PIK3CD: variants seen among roughly 807,000 people sequenced by gnomAD.
PIK3CD encodes the protein phosphatidylinositol-4,5-bisphosphate 3-kinase catalytic subunit delta.
PIK3CD carries 20 observed loss-of-function variants against 122.9 expected under a neutral mutation model. The ratio of observed to expected loss-of-function variants is 0.16; its 90% CI spans 0.11 to 0.24. PIK3CD has a LOEUF of 0.24. PIK3CD is among the 10% of genes least tolerant of loss of function. The pLI is 1.00. For synonymous variants in PIK3CD, 596 were observed against 593.4 expected (o/e 1.00, Z -0.06); for missense variants, 787 against 1,406.3 (o/e 0.56, Z 7.04).
chr1:9,724,441 AC>A lies in PIK3CD; in HGVS notation c.2864+22del, dbSNP rs768215563. The A allele has an allele frequency of 1.3e-5, 21 of 1,613,688 alleles. No individual in the cohort carries two copies. Among genetic ancestry groups the A allele is most frequent in the Non-Finnish European group, 1.8e-5 (21 of 1,179,950 alleles). The stretch of plus-strand genomic sequence containing the variant: ...TGAACGGTGAGAGTGCCTGAGCCCC[AC>A]CAGATGCCCCTCGGTGTGGGGCCCC... On this transcript the variant is annotated intron_variant, in intron 22 of 23. Coordinates refer to ENST00000377346, the MANE Select transcript of PIK3CD (RefSeq NM_005026.5). The surrounding 1 kb of genome is among the most constrained non-coding windows in gnomAD (Gnocchi z 7.3).
At chr1:9,686,817 C>T (rs775576727) in intron 1 of PIK3CD, among the ~76,000 whole-genome samples, 5 of 152,224 alleles carry the variant, frequency 3.3e-5, no homozygotes, top group Admixed American at 6.5e-5. Flanking sequence ...CCACCTGGGG[C>T]AAGTCACTTG....
chr1:9,641,136 G>C, the PIK3CD span, among the ~76,000 whole-genome samples: 1 of 152,132 alleles, frequency 6.6e-6, no homozygotes, highest in Non-Finnish European at 1.5e-5. Flanking sequence ...AAACTCCAGG[G>C]GGTTGCGGGG....
At chr1:9,693,256 G>A (rs1209673758) in intron 2 of PIK3CD, among the ~76,000 whole-genome samples, 2 of 151,846 alleles carry the variant, frequency 1.3e-5, no homozygotes, top group Non-Finnish European at 2.9e-5. Flanking sequence ...ATGGAGTCTT[G>A]CTCTGTCACC....
chr1:9,627,294 C>T, the PIK3CD span, among the ~76,000 whole-genome samples: 1 of 152,258 alleles, frequency 6.6e-6, no homozygotes, highest in African/African-American at 2.4e-5. Context: ...GCTCCGGGCA[C>T]CCGGGCTCCG....
In PIK3CD at chr1:9,710,739, T is replaced by C; in HGVS notation, c.141+143T>C. ...TGGACAGATGCACTGCTTTTCAGAC[T>C]TGGGATCCTCAGATGAGAATTTTAA... On this transcript the variant is annotated intron_variant, in intron 3 of 23. Transcript: ENST00000377346. The surrounding 1 kb of genome is among the most constrained non-coding windows in gnomAD (Gnocchi z 4.7). 1.1e-6 allele frequency: 1 copy of C among 873,622 alleles called. No homozygotes were observed. The allele number at this position is 873,622 out of a possible 1,614,324, so 54.1% of individuals were successfully genotyped here.
intron 1 of PIK3CD, among the ~76,000 whole-genome samples, chr1:9,657,037 CT>C (rs1198365299): frequency 1.2e-4 from 18 of 151,820 alleles, no homozygotes; most frequent in African/African-American, 4.4e-4. Context: ...CCTCTGGGGG[CT>C]GTAGGGGGAG....
At chr1:9,670,939 G>C (rs1034202298) in intron 1 of PIK3CD, among the ~76,000 whole-genome samples, 6 of 151,878 alleles carry the variant, frequency 4.0e-5, no homozygotes, top group African/African-American at 1.5e-4. Context: ...TGTATTTTTG[G>C]TAGAGATGGG....
At position 9,719,455 on chromosome 1, in the gene PIK3CD, T is replaced by C. The variant is rs1025345253; in HGVS notation, c.1243-466T>C. On this transcript the variant is annotated intron_variant, in intron 9 of 23. Transcript: ENST00000377346. This position sits in a 1 kb window ranked among gnomAD's most constrained non-coding sequence, Gnocchi z 5.5. ...GTGGTCGGCTTACAAGGTCAGGAGT[T>C]TGAGACCAGCCTGGCCAATATGGTG... Among the ~76,000 whole-genome samples the C allele has an allele frequency of 3.3e-5, 5 of 152,020 alleles. No individual in the cohort carries two copies. The highest frequency in any genetic ancestry group is 4.8e-5 in the African/African-American group (2 of 41,380).
chr1:9,697,482 C>T (rs1396413317), intron 2 of PIK3CD, among the ~76,000 whole-genome samples: 1 of 151,468 alleles, frequency 6.6e-6, no homozygotes, highest in African/African-American at 2.4e-5. Context: ...TTGCTTGAGC[C>T]CTGGAGTTTG....
chr1:9,673,006 T>G (rs1645380101), intron 1 of PIK3CD, among the ~76,000 whole-genome samples: 1 of 152,218 alleles, frequency 6.6e-6, no homozygotes, highest in Non-Finnish European at 1.5e-5. Flanking sequence ...TGATCTGCTC[T>G]CAGATGGCCA....
Position 9,724,757 on chromosome 1 carries a change from T to A in PIK3CD, c.2865-47T>A. The stretch of plus-strand genomic sequence containing the variant: ...GGATGCAGAGCGGCCCTCTGGCCTG[T>A]GGCTGGGAGTTCCCAGAGCCTCACT... On this transcript the variant is annotated intron_variant, in intron 22 of 23. Coordinates refer to ENST00000377346, the MANE Select transcript of PIK3CD (RefSeq NM_005026.5). The surrounding 1 kb of genome is among the most constrained non-coding windows in gnomAD (Gnocchi z 7.3). The A allele has an allele frequency of 6.2e-7, 1 of 1,611,454 alleles. No homozygotes were observed. Among genetic ancestry groups the A allele is most frequent in the Non-Finnish European group, 8.5e-7 (1 of 1,179,734 alleles).
intron 1 of PIK3CD, among the ~76,000 whole-genome samples, chr1:9,659,594 T>C (rs1644955104): frequency 6.6e-6 from 1 of 152,204 alleles, no homozygotes; most frequent in East Asian, 1.9e-4. Flanking sequence ...TTTTGACAAC[T>C]CTAGGTACTG....
intron 1 of PIK3CD, among the ~76,000 whole-genome samples, chr1:9,682,541 G>T (rs781450365): frequency 1.6e-4 from 24 of 148,592 alleles, no homozygotes; most frequent in Non-Finnish European, 2.8e-4. Context: ...TCTGGCCTGG[G>T]TATTTATTTA....
chr1:9,677,606 C>T (rs1490376790), intron 1 of PIK3CD, among the ~76,000 whole-genome samples: 1 of 143,358 alleles, frequency 7.0e-6, no homozygotes, highest in East Asian at 2.1e-4. Flanking sequence ...GATGGTGCCA[C>T]TGCATTCCAG....
At position 9,716,636 on chromosome 1, in the gene PIK3CD, C is replaced by T. The variant is rs1168922457; in HGVS notation, c.780+17C>T. The T allele has an allele frequency of 3.9e-6, 6 of 1,550,074 alleles. No homozygotes were observed. In the Middle Eastern group the frequency reaches 6.8e-4, roughly 177 times the overall value. ...CAGTTCCAGGTGAGGCCGCTGAGGCCCTCTGCACTCTGGGCTCCCAACGCC... is the reference window on the plus strand; with the variant it reads ...CAGTTCCAGGTGAGGCCGCTGAGGCTCTCTGCACTCTGGGCTCCCAACGCC... On this transcript the variant is annotated intron_variant, in intron 6 of 23. Transcript: ENST00000377346.
chr1:9,706,050 A>ATTTTTTTTTTTTTTTTTTTTTTTTTT (rs140912843), intron 2 of PIK3CD, among the ~76,000 whole-genome samples: 2 of 85,190 alleles, frequency 2.3e-5, no homozygotes, highest in Non-Finnish European at 4.4e-5. Flanking sequence ...ATTTATTGGA[A>ATTTTTTTTTTTTTTTTTTTTTTTTTT]TTTTTTTTTT....
intron 16 of PIK3CD, 34 bp downstream of exon 16, chr1:9,721,894 G>GC (rs1648734891): frequency 6.2e-7 from 1 of 1,611,358 alleles, no homozygotes; most frequent in Non-Finnish European, 8.5e-7. Context: ...CGGGCAGGGG[G>GC]CGGCCCTGAG....
At position 9,667,437 on chromosome 1, in the gene PIK3CD, C is replaced by T. The variant is rs1400810266; in HGVS notation, c.-138+15635C>T. Among the ~76,000 whole-genome samples the T allele has an allele frequency of 2.7e-5, 4 of 150,500 alleles. No individual in the cohort carries two copies. In the East Asian group the frequency reaches 5.9e-4, roughly 22 times the overall value. On this transcript the variant is annotated intron_variant, in intron 1 of 23. Coordinates refer to ENST00000377346, the MANE Select transcript of PIK3CD (RefSeq NM_005026.5). The stretch of plus-strand genomic sequence containing the variant: ...TGTGGTCCAGGCTGGAGTGCAGTGG[C>T]GCAATCTCGACTCACTGCAAGCTCC...
At position 9,720,727 on chromosome 1, in the gene PIK3CD, G is replaced by T; in HGVS notation, c.1522-15G>T. 6.2e-7 allele frequency: 1 copy of T among 1,609,358 alleles called. No individual in the cohort carries two copies. ...GCGTGGAACCAGAGCCCTCACTCCT[G>T]CCCACACCCCTCAGCAGCTGCAGCT... On this transcript the variant is annotated splice_polypyrimidine_tract_variant and intron_variant, in intron 12 of 23. Coordinates refer to ENST00000377346, the MANE Select transcript of PIK3CD (RefSeq NM_005026.5). The surrounding 1 kb of genome is among the most constrained non-coding windows in gnomAD (Gnocchi z 9.0).
Sources: gnomAD v4.1 joint callset for allele counts (sites outside exome capture counted in the v4.1 genomes callset) on GRCh38, gnomAD v4.1.1 for gene constraint, Gnocchi (gnomAD v3.1) non-coding constraint, MANE v1.5 for transcripts, NCBI Gene and HGNC (gene_info 2026-07-23, HGNC 2026-07-21) for gene names.